Variants in SLIT2 observed in about 807,000 individuals in gnomAD.
The protein encoded by SLIT2 is slit homolog 2 protein.
A neutral mutation model predicts 185.7 loss-of-function variants in SLIT2; 41 were observed. The ratio of observed to expected loss-of-function variants is 0.22; its 90% CI spans 0.17 to 0.29. The LOEUF is 0.29. Among genes scored for constraint, SLIT2 ranks in the 10% least tolerant of loss-of-function variants. The probability of loss-of-function intolerance (pLI) is 1.00; values close to 1 mark genes in which losing one functional copy is unlikely to be tolerated. For missense variants in SLIT2, 1,571 were observed against 1,909.0 expected, an observed-to-expected ratio of 0.82 and a Z score of 3.30; for synonymous variants, 693 against 680.2, an observed-to-expected ratio of 1.02 and a Z score of -0.29.
At chr4:20,611,230 A>T (rs1729195652) in intron 34 of SLIT2, among the ~76,000 whole-genome samples, 1 of 152,226 alleles carries the variant, frequency 6.6e-6, no homozygotes, top group African/African-American at 2.4e-5. Flanking sequence ...CTACACCATT[A>T]TCTCAACCAC....
At position 20,278,226 on chromosome 4, in the gene SLIT2, G is replaced by GT. The variant is rs75438166; in HGVS notation, c.395+9356dup. Among the ~76,000 whole-genome samples, 1,047 of 145,572 alleles carry GT rather than the reference G, an allele frequency of 7.2e-3. 15 individuals are homozygous for GT. The highest frequency in any genetic ancestry group is 0.02 in the African/African-American group (774 of 38,916). ...CACACTGAAACAGAAATGCTTATCT[G>GT]TTTTTTTTTTTGTTGTTGTTGTTTA... On this transcript the variant is annotated intron_variant, in intron 4 of 36. Coordinates refer to ENST00000504154, the MANE Select transcript of SLIT2 (RefSeq NM_004787.4).
chr4:20,514,026 A>C (rs1199931817), intron 11 of SLIT2, among the ~76,000 whole-genome samples: 1 of 152,220 alleles, frequency 6.6e-6, no homozygotes, highest in Non-Finnish European at 1.5e-5. Context: ...GAGGAAAGCC[A>C]GTGAAAGCTA....
rs1175718792 is a variant in SLIT2 at position 20,596,544 on chromosome 4, C to A, written c.3450C>A (p.Gly1150=). The change falls in exon 32 of 37, where the codon GGC becomes GGA. Residue 1150 remains glycine, a synonymous_variant. Transcript: ENST00000504154. ...AGCCAATATGTCAGTGTTTGCCTGGCTATCAGGGAGAAAAGTGTGAAAAAT... is the reference window on the plus strand; with the variant it reads ...AGCCAATATGTCAGTGTTTGCCTGGATATCAGGGAGAAAAGTGTGAAAAAT... ...INEPICQCLP[G]YQGEKCEKLV... is the part of the protein sequence containing the mutation. 6.2e-6 allele frequency: 10 copies of A among 1,613,888 alleles called. No individual in the cohort carries two copies. In the African/African-American group the frequency reaches 1.1e-4, roughly 17 times the overall value.
intron 4 of SLIT2, among the ~76,000 whole-genome samples, chr4:20,370,892 A>G (rs1023640585): frequency 1.3e-5 from 2 of 152,094 alleles, no homozygotes; most frequent in Non-Finnish European, 2.9e-5. Flanking sequence ...GATATTTATT[A>G]TCCTATGCTT....
At chr4:20,553,725 A>T (rs1288735268) in intron 25 of SLIT2, 80 bp from the exon 26 acceptor site, 1 of 1,219,056 alleles carries the variant, frequency 8.2e-7, no homozygotes, top group Non-Finnish European at 1.1e-6. Context: ...AAATAACAAT[A>T]CTTCCATACT....
At chr4:20,375,451 C>T (rs912891928) in intron 4 of SLIT2, among the ~76,000 whole-genome samples, 1 of 152,010 alleles carries the variant, frequency 6.6e-6, no homozygotes, top group Non-Finnish European at 1.5e-5. Context: ...ATAGTTTATA[C>T]TTAAAAATAT....
chr4:20,288,153 T>A (rs374399362), intron 4 of SLIT2, among the ~76,000 whole-genome samples: 48 of 152,200 alleles, frequency 3.2e-4, no homozygotes, highest in African/African-American at 9.9e-4. Context: ...GGAAACATAT[T>A]ATTGTAATTT....
intron 33 of SLIT2, among the ~76,000 whole-genome samples, chr4:20,598,845 C>A (rs1021274370): frequency 1.3e-5 from 2 of 152,154 alleles, no homozygotes; most frequent in Non-Finnish European, 2.9e-5. Context: ...TTCCTCCCAA[C>A]AATCTCCTGT....
intron 22 of SLIT2, among the ~76,000 whole-genome samples, chr4:20,547,582 GA>G (rs1247906049): frequency 6.6e-6 from 1 of 151,760 alleles, no homozygotes; most frequent in African/African-American, 2.4e-5. Context: ...TAAAGGAATA[GA>G]TTATCCTCGG....
At chr4:20,403,898 A>T (rs1183564306) in intron 4 of SLIT2, among the ~76,000 whole-genome samples, 1 of 19,518 alleles carries the variant, frequency 5.1e-5, no homozygotes, top group Non-Finnish European at 1.0e-4. Context: ...AACTGGACTT[A>T]AAAAAAAAAC....
chr4:20,459,042 A>T (rs1358197446), intron 4 of SLIT2, among the ~76,000 whole-genome samples: 1 of 152,186 alleles, frequency 6.6e-6, no homozygotes, highest in Non-Finnish European at 1.5e-5. Context: ...GGATCAAGAC[A>T]TATTAGAGAT....
chr4:20,429,437 TCA>T (rs1402232400), intron 4 of SLIT2, among the ~76,000 whole-genome samples: 5 of 152,342 alleles, frequency 3.3e-5, no homozygotes, highest in African/African-American at 9.6e-5. Flanking sequence ...CTATTCTATT[TCA>T]CAGTTATTGA....
At chr4:20,394,844 A>T (rs746627899) in intron 4 of SLIT2, 1 of 152,098 alleles carries the variant, frequency 6.6e-6, no homozygotes, top group African/African-American at 2.4e-5. Context: ...TAAAACACTG[A>T]GGTCTAATAC....
intron 33 of SLIT2, among the ~76,000 whole-genome samples, chr4:20,605,711 ATATTTTATTTTATTT>A (rs376845737): frequency 1.2e-3 from 161 of 131,862 alleles, no homozygotes; most frequent in South Asian, 4.2e-3. Flanking sequence ...ATTTTATTTT[ATATTTTATTTTATTT>A]TATTTTATTT....
At chr4:20,611,064 A>G (rs1441047770) in intron 34 of SLIT2, among the ~76,000 whole-genome samples, 1 of 152,242 alleles carries the variant, frequency 6.6e-6, no homozygotes, top group African/African-American at 2.4e-5. Flanking sequence ...ATTGAGAAGC[A>G]TTGGATTAAA....
At chr4:20,322,688 C>A (rs1462353599) in intron 4 of SLIT2, among the ~76,000 whole-genome samples, 1 of 152,090 alleles carries the variant, frequency 6.6e-6, no homozygotes, top group East Asian at 1.9e-4. Flanking sequence ...TCCCTTTGAT[C>A]ATTATACTTT....
At chr4:20,364,082 G>A (rs1236789049) in intron 4 of SLIT2, among the ~76,000 whole-genome samples, 1 of 152,150 alleles carries the variant, frequency 6.6e-6, no homozygotes, top group African/African-American at 2.4e-5. Flanking sequence ...AAAGGAACGA[G>A]GAAGGGAAAG....
At chr4:20,356,285 A>G (rs1722315287) in intron 4 of SLIT2, among the ~76,000 whole-genome samples, 1 of 152,170 alleles carries the variant, frequency 6.6e-6, no homozygotes, top group South Asian at 2.1e-4. Flanking sequence ...CTTCTACTCT[A>G]TTCCTTCCTC....
In SLIT2 at chr4:20,253,439, G is replaced by T. The variant is rs1230713962; in HGVS notation, c.-377G>T. The T allele has an allele frequency of 4.0e-6, 1 of 251,566 alleles. No individual in the cohort carries two copies. Among genetic ancestry groups the T allele is most frequent in the Non-Finnish European group, 7.7e-6 (1 of 129,960 alleles). 15.6% of individuals were successfully genotyped at this position (251,566 alleles called of 1,614,324 possible). On this transcript the variant is annotated 5_prime_UTR_variant, in exon 1 of 37. Coordinates refer to ENST00000504154, the MANE Select transcript of SLIT2 (RefSeq NM_004787.4). Reference sequence around the variant, plus strand: ...GAGGACCGCCCTCCCCACAACAACCGGCCCCTGCATCTTAGCAGCCGTTGG... The same window carrying T: ...GAGGACCGCCCTCCCCACAACAACCTGCCCCTGCATCTTAGCAGCCGTTGG...
Sources: allele counts gnomAD v4.1 joint callset (sites outside exome capture counted in the v4.1 genomes callset), GRCh38; gene constraint gnomAD v4.1.1; transcripts MANE v1.5; gene names NCBI Gene and HGNC (gene_info 2026-07-23, HGNC 2026-07-21).